WDFY1: variants seen among roughly 807,000 people sequenced by gnomAD.
WDFY1 encodes WD repeat and FYVE domain-containing protein 1.
In WDFY1, 32 loss-of-function variants were observed where a neutral mutation model predicts 56.4. The ratio of observed to expected loss-of-function variants is 0.57; its 90% confidence interval spans 0.43 to 0.76. WDFY1 has a LOEUF of 0.76. Ranked by LOEUF, WDFY1 falls within the 30% of genes least tolerant of loss-of-function variation. WDFY1 has a pLI of 0.00. For synonymous variants in WDFY1, 192 were observed against 197.3 expected, an observed-to-expected ratio of 0.97 and a Z score of 0.23; for missense variants, 480 against 545.7, an observed-to-expected ratio of 0.88 and a Z score of 1.20.
At chr2:223,901,908 CTG>C (rs1693513854) in intron 4 of WDFY1, among the ~76,000 whole-genome samples, 1 of 152,214 alleles carries the variant, frequency 6.6e-6, no homozygotes, top group African/African-American at 2.4e-5. Context: ...GTAAAGTTCT[CTG>C]TTCCAAAATA....
chr2:223,880,802 G>C (rs1348401815), intron 10 of WDFY1, among the ~76,000 whole-genome samples: 1 of 149,436 alleles, frequency 6.7e-6, no homozygotes, highest in Non-Finnish European at 1.5e-5. Flanking sequence ...TACATTCCTA[G>C]ATATAAAAAC....
At chr2:223,895,785 C>A (rs772163910) in intron 6 of WDFY1, among the ~76,000 whole-genome samples, 155 bp from the exon 7 acceptor site, 8 of 152,146 alleles carry the variant, frequency 5.3e-5, no homozygotes, top group Admixed American at 1.3e-4. Flanking sequence ...ACGGGTCATT[C>A]AACCATGCTA....
chr2:223,880,606 CA>C (rs10586635), intron 10 of WDFY1, among the ~76,000 whole-genome samples: 54,710 of 125,336 alleles, frequency 0.44, 10,153 homozygotes, highest in East Asian at 0.61. Context: ...GACTCAGTCT[CA>C]AAAAAAAAAA....
intron 3 of WDFY1, among the ~76,000 whole-genome samples, chr2:223,908,598 T>G (rs780868838): frequency 2.0e-5 from 3 of 152,148 alleles, no homozygotes; most frequent in Non-Finnish European, 4.4e-5. Context: ...ATATTGACAT[T>G]TCCCTAGGAA....
At chr2:223,940,418 C>T (rs528883057) in intron 1 of WDFY1, among the ~76,000 whole-genome samples, 1 of 152,254 alleles carries the variant, frequency 6.6e-6, no homozygotes, top group South Asian at 2.1e-4. Context: ...AATTTTGGAA[C>T]TGCTGATAAG....
intron 8 of WDFY1, 102 bp from the exon 9 acceptor site, chr2:223,884,851 C>A: frequency 1.0e-4 from 71 of 681,602 alleles, no homozygotes; most frequent in Middle Eastern, 4.3e-4. Flanking sequence ...GTTAGTATTT[C>A]TTTTCTTCTT....
rs1692977287 is a variant in WDFY1 at position 223,876,620 on chromosome 2, A to G, written c.*2051T>C. The G allele has an allele frequency of 6.6e-6, 1 of 152,174 alleles. No homozygotes were observed. The highest frequency in any genetic ancestry group is 1.5e-5 in the Non-Finnish European group (1 of 68,014). The allele number at this position is 152,174 out of a possible 1,614,324, so 9.4% of individuals were successfully genotyped here. On this transcript the variant is annotated 3_prime_UTR_variant, in exon 12 of 12. Coordinates refer to ENST00000233055, the MANE Select transcript of WDFY1 (RefSeq NM_020830.5). Reference sequence around the variant, plus strand: ...CCTTAGGAGGCACTATAATAACTTTATGTTCCCATGGAACATAGGGTTTTT... The same window carrying G: ...CCTTAGGAGGCACTATAATAACTTTGTGTTCCCATGGAACATAGGGTTTTT...
intron 1 of WDFY1, among the ~76,000 whole-genome samples, chr2:223,940,637 A>C (rs1029814840): frequency 2.3e-4 from 33 of 141,914 alleles, no homozygotes; most frequent in Non-Finnish European, 3.1e-4. Flanking sequence ...CAAATTCCTT[A>C]TTTCTTTCTT....
chr2:223,895,531 C>T lies in WDFY1; in HGVS notation c.698G>A (p.Gly233Asp). 1 of 1,614,048 alleles carries T rather than the reference C, an allele frequency of 6.2e-7. No homozygotes were observed. The highest frequency in any genetic ancestry group is 1.1e-5 in the South Asian group (1 of 91,076). Residue 233 changes from glycine to aspartate, a missense_variant, in exon 7 of 12, where the codon GGC (glycine) becomes GAC (aspartate). Physicochemically the swap from Gly to Asp is moderately conservative, Grantham distance 94 (BLOSUM62 -1). Transcript: ENST00000233055. Reference protein sequence around the residue: ...IIMWDIGGRKGRTLLLQGHHD... With the variant: ...IIMWDIGGRKDRTLLLQGHHD... ...ATGGCCCTGAAGTAACAGCGTCCGGCCTTTCCTTCCTCCGATGTCCCACAT... is the reference window on the plus strand; with the variant it reads ...ATGGCCCTGAAGTAACAGCGTCCGGTCTTTCCTTCCTCCGATGTCCCACAT...
At chr2:223,895,055 C>T (rs1441122101) in intron 7 of WDFY1, among the ~76,000 whole-genome samples, 1 of 152,202 alleles carries the variant, frequency 6.6e-6, no homozygotes, top group Admixed American at 6.5e-5. Context: ...AACTAGACAA[C>T]ATTTCTTAAT....
intron 1 of WDFY1, among the ~76,000 whole-genome samples, chr2:223,944,193 G>A (rs545655234): frequency 6.6e-6 from 1 of 152,342 alleles, no homozygotes; most frequent in East Asian, 1.9e-4. Context: ...CTGAGTACAG[G>A]GGGAGGAAGA....
At chr2:223,900,569 A>AT (rs1052581193) in intron 5 of WDFY1, among the ~76,000 whole-genome samples, 2 of 152,078 alleles carry the variant, frequency 1.3e-5, no homozygotes, top group African/African-American at 2.4e-5. Context: ...TTAGGCCGTG[A>AT]TTTTTAGCAT....
At chr2:223,918,534 G>C (rs1013468406) in intron 1 of WDFY1, among the ~76,000 whole-genome samples, 2 of 151,950 alleles carry the variant, frequency 1.3e-5, no homozygotes, top group African/African-American at 4.8e-5. Flanking sequence ...AGGAGCCTGA[G>C]GCAGAAGAAT....
At chr2:223,926,528 CA>C (rs1461560233) in intron 1 of WDFY1, among the ~76,000 whole-genome samples, 2 of 152,106 alleles carry the variant, frequency 1.3e-5, no homozygotes, top group Non-Finnish European at 2.9e-5. Context: ...TGAAAAACAA[CA>C]TTAATCTCAT....
rs1689387001 is a variant in WDFY1 at position 223,945,078 on chromosome 2, C to A, written c.137+70G>T. On this transcript the variant is annotated intron_variant, in intron 1 of 11. Coordinates refer to ENST00000233055, the MANE Select transcript of WDFY1 (RefSeq NM_020830.5). ...CCCCTCACGCAGGAAGGACCGGGGC[C>A]GCGGACCCCACCGCCCCCACACCCC... 4.7e-6 allele frequency: 7 copies of A among 1,480,518 alleles called. 1 individual carries two copies. In the South Asian group the frequency reaches 9.0e-5, roughly 19 times the overall value. The allele number at this position is 1,480,518 out of a possible 1,614,324, so 91.7% of individuals were successfully genotyped here.
chr2:223,895,880 G>A (rs895624627), intron 6 of WDFY1, among the ~76,000 whole-genome samples: 9 of 151,992 alleles, frequency 5.9e-5, no homozygotes, highest in East Asian at 5.8e-4. Flanking sequence ...ACTTTGGGCC[G>A]GGCATGGTGA....
At chr2:223,917,790 T>C (rs974391983) in intron 2 of WDFY1, among the ~76,000 whole-genome samples, 153 bp downstream of exon 2, 2 of 152,152 alleles carry the variant, frequency 1.3e-5, no homozygotes, top group Admixed American at 6.6e-5. Flanking sequence ...CAGTCTGGTC[T>C]CAAACTCCTG....
intron 8 of WDFY1, among the ~76,000 whole-genome samples, chr2:223,890,591 TAAG>T (rs964217128): frequency 2.0e-4 from 31 of 152,318 alleles, no homozygotes; most frequent in Non-Finnish European, 1.9e-4. Context: ...ACTTATTATC[TAAG>T]AAGAAGCTTT....
At chr2:223,882,365 A>G (rs576308948) in intron 9 of WDFY1, among the ~76,000 whole-genome samples, 3 of 152,264 alleles carry the variant, frequency 2.0e-5, no homozygotes, top group African/African-American at 7.2e-5. Flanking sequence ...CACCTGCCTC[A>G]GCCTCCCAAA....
Sources: gnomAD v4.1 joint callset for allele counts (sites outside exome capture counted in the v4.1 genomes callset) on GRCh38, gnomAD v4.1.1 for gene constraint, MANE v1.5 for transcripts, NCBI Gene and HGNC (gene_info 2026-07-23, HGNC 2026-07-21) for gene names.